The following RAB15 variants were observed in gnomAD, a reference collection of about 807,000 sequenced individuals.
RAB15 encodes the protein ras-related protein Rab-15.
Under a neutral mutation model 31.8 loss-of-function variants are expected in RAB15, and 13 were observed. That is an observed-to-expected ratio of 0.41 (90% CI 0.27 to 0.65). RAB15 has a LOEUF of 0.65. Ranked by LOEUF, RAB15 falls within the 30% of genes least tolerant of loss-of-function variation. The pLI, the probability that RAB15 is intolerant of heterozygous loss-of-function variation, is 0.32. For missense variants in RAB15, 220 were observed against 277.3 expected (o/e 0.79, Z 1.47); for synonymous variants, 100 against 105.6 (o/e 0.95, Z 0.33).
chr14:64,971,981 C>T lies in RAB15; in HGVS notation c.96G>A (p.Glu32=). ...TCLLCRFTDN[E]FHSSHISTIG... ...TGGTGGAGATGTGCGAGGAGTGGAA[C>T]TCGTTGTCGGTGAAGCGGCACAGCA... Residue 32 remains glutamate (E), a synonymous_variant, in exon 1 of 7, where the codon GAG becomes GAA. Transcript: ENST00000533601. The surrounding 1 kb of genome is among the most constrained non-coding windows in gnomAD (Gnocchi z 4.1). 6.3e-7 allele frequency: 1 copy of T among 1,598,632 alleles called. No individual in the cohort carries two copies. Among genetic ancestry groups the T allele is most frequent in the Non-Finnish European group, 8.5e-7 (1 of 1,172,938 alleles).
chr14:64,958,703 G>A lies in RAB15; in HGVS notation c.125-6132C>T, dbSNP rs1886703410. Among the ~76,000 whole-genome samples the A allele has an allele frequency of 6.6e-6, 1 of 152,068 alleles. No individual in the cohort carries two copies. Among genetic ancestry groups the A allele is most frequent in the Non-Finnish European group, 1.5e-5 (1 of 68,022 alleles). On this transcript the variant is annotated intron_variant, in intron 1 of 6. Transcript: ENST00000533601. This position sits in a 1 kb window ranked among gnomAD's most constrained non-coding sequence, Gnocchi z 4.4. ...AAGAAATAGGGCACAGAAGTGTTAA[G>A]AAACAAGCAAACCACTTCTACACAG...
chr14:64,952,501 C>T lies in RAB15; in HGVS notation c.185+10G>A. On this transcript the variant is annotated intron_variant, in intron 2 of 6. Transcript: ENST00000533601. This position sits in a 1 kb window ranked among gnomAD's most constrained non-coding sequence, Gnocchi z 4.2. ...CTCCTACATCTGCCTCCTCCTCCTC[C>T]CCAGCTCACCAGATCTGTATCCGCA... The T allele has an allele frequency of 1.2e-6, 2 of 1,608,620 alleles. No individual in the cohort carries two copies. Among genetic ancestry groups the T allele is most frequent in the Non-Finnish European group, 1.7e-6 (2 of 1,175,448 alleles).
rs892497509 is a variant in RAB15, at chr14:64,968,872, G to T, written c.124+3081C>A. Among the ~76,000 whole-genome samples, 1 of 152,224 alleles carries T rather than the reference G, an allele frequency of 6.6e-6. No homozygotes were observed. The highest frequency in any genetic ancestry group is 6.5e-5 in the Admixed American group (1 of 15,292). ...GGCAGGGCCACCTGCTGGTCTGCTG[G>T]CCAGAAAGACGAAAAGGATAGGGGG... On this transcript the variant is annotated intron_variant, in intron 1 of 6. Coordinates refer to ENST00000533601, the MANE Select transcript of RAB15 (RefSeq NM_001308154.2). The surrounding 1 kb of genome is among the most constrained non-coding windows in gnomAD (Gnocchi z 4.9).
In RAB15 at chr14:64,951,667, C is replaced by A; in HGVS notation, c.186-4G>T. ...TCTCTCCTGCCCTGCAGTGTCCCTGCAGGAGAAAGCCAGTCCCTCAGAGGA... is the reference window on the plus strand; with the variant it reads ...TCTCTCCTGCCCTGCAGTGTCCCTGAAGGAGAAAGCCAGTCCCTCAGAGGA... On this transcript the variant is annotated splice_region_variant and splice_polypyrimidine_tract_variant and intron_variant, in intron 2 of 6. Transcript: ENST00000533601. The surrounding 1 kb of genome is among the most constrained non-coding windows in gnomAD (Gnocchi z 7.2). The A allele has an allele frequency of 2.5e-6, 4 of 1,613,908 alleles. No individual in the cohort carries two copies. The highest frequency in any genetic ancestry group is 3.4e-6 in the Non-Finnish European group (4 of 1,179,764).
rs1885901432 is a variant in RAB15, at chr14:64,946,032, T to G, written c.*2322A>C. ...AGTAAACAGGCCAGCAGAGCCTGGT[T>G]AACAGTCTGGGCCTCAAGACATGCC... is the stretch of plus-strand genomic sequence containing the variant. On this transcript the variant is annotated 3_prime_UTR_variant, in exon 7 of 7. Transcript: ENST00000533601. The G allele has an allele frequency of 6.6e-6, 1 of 152,508 alleles. No individual in the cohort carries two copies. Among genetic ancestry groups the G allele is most frequent in the Non-Finnish European group, 1.5e-5 (1 of 68,034 alleles). The allele number at this position is 152,508 out of a possible 1,614,324, so 9.4% of individuals were successfully genotyped here.
rs1885989023 is a variant in RAB15 at position 64,947,653 on chromosome 14, C to T, written c.*701G>A. ...GGGCAGCCCCAGGCTCGAGGACTCC[C>T]TGGTTGCCGTTTCCCTCCTACCTCG... On this transcript the variant is annotated 3_prime_UTR_variant, in exon 7 of 7. Coordinates refer to ENST00000533601, the MANE Select transcript of RAB15 (RefSeq NM_001308154.2). The surrounding 1 kb of genome is among the most constrained non-coding windows in gnomAD (Gnocchi z 5.6). The T allele has an allele frequency of 6.5e-6, 1 of 152,744 alleles. No individual in the cohort carries two copies. The highest frequency in any genetic ancestry group is 2.4e-5 in the African/African-American group (1 of 41,450). The allele number at this position is 152,744 out of a possible 1,614,324, so 9.5% of individuals were successfully genotyped here.
At position 64,968,691 on chromosome 14, in the gene RAB15, G is replaced by A. The variant is rs951067252; in HGVS notation, c.124+3262C>T. Among the ~76,000 whole-genome samples, 3 of 152,152 alleles carry A rather than the reference G, an allele frequency of 2.0e-5. No homozygotes were observed. The highest frequency in any genetic ancestry group is 7.2e-5 in the African/African-American group (3 of 41,438). Reference sequence around the variant, plus strand: ...TTATGGGCTTCTGTGGGCAGAAAACGTAGACTGCAATATGTCTCTAAAATG... The same window carrying A: ...TTATGGGCTTCTGTGGGCAGAAAACATAGACTGCAATATGTCTCTAAAATG... On this transcript the variant is annotated intron_variant, in intron 1 of 6. Transcript: ENST00000533601. This position sits in a 1 kb window ranked among gnomAD's most constrained non-coding sequence, Gnocchi z 4.9.
chr14:64,970,491 G>A lies in RAB15; in HGVS notation c.124+1462C>T, dbSNP rs915275879. Among the ~76,000 whole-genome samples the A allele has an allele frequency of 7.2e-5, 11 of 152,208 alleles. No individual in the cohort carries two copies. ...GCCTTACAGCTCCTCTGAGAAAGAC[G>A]GACAAGTTCTGTTCCCTGACCCTAA... On this transcript the variant is annotated intron_variant, in intron 1 of 6. Transcript: ENST00000533601. This position sits in a 1 kb window ranked among gnomAD's most constrained non-coding sequence, Gnocchi z 4.1.
In RAB15 at chr14:64,946,281, T is replaced by C. The variant is rs567441312; in HGVS notation, c.*2073A>G. The C allele has an allele frequency of 6.6e-6, 1 of 152,354 alleles. No homozygotes were observed. The highest frequency in any genetic ancestry group is 1.9e-4 in the East Asian group (1 of 5,186). 9.4% of individuals were successfully genotyped at this position (152,354 alleles called of 1,614,324 possible). A position where few individuals can be genotyped will look rare whatever the true frequency, so the allele number is the denominator to read the frequency against. ...GAAAGACAATGAATGGCACCCTGCCTGATCTTCAGGGAAAGCTGAAATACT... is the reference window on the plus strand; with the variant it reads ...GAAAGACAATGAATGGCACCCTGCCCGATCTTCAGGGAAAGCTGAAATACT... On this transcript the variant is annotated 3_prime_UTR_variant, in exon 7 of 7. Transcript: ENST00000533601.
At chr14:64,956,696 C>G (rs1886593803) in intron 1 of RAB15, among the ~76,000 whole-genome samples, 2 of 152,114 alleles carry the variant, frequency 1.3e-5, no homozygotes, top group Non-Finnish European at 1.5e-5. Context: ...TGACTTAAAA[C>G]AAAGACAAAA....
In RAB15 at chr14:64,951,527, C is replaced by G. The variant is rs1256104373; in HGVS notation, c.246+76G>C. ...AACTGTATTTAGGGGATCCGTGGCA[C>G]AGACATCTCAAATACCCAGAGCTGG... On this transcript the variant is annotated intron_variant, in intron 3 of 6. Transcript: ENST00000533601. This position sits in a 1 kb window ranked among gnomAD's most constrained non-coding sequence, Gnocchi z 7.2. The G allele has an allele frequency of 3.7e-6, 5 of 1,335,694 alleles. No individual in the cohort carries two copies. The highest frequency in any genetic ancestry group is 1.2e-5 in the South Asian group (1 of 85,652). The allele number at this position is 1,335,694 out of a possible 1,614,324, so 82.7% of individuals were successfully genotyped here. A position where few individuals can be genotyped will look rare whatever the true frequency, so the allele number is the denominator to read the frequency against.
At chr14:64,959,518 A>G (rs1228466947) in intron 1 of RAB15, among the ~76,000 whole-genome samples, 1 of 152,206 alleles carries the variant, frequency 6.6e-6, no homozygotes, top group Non-Finnish European at 1.5e-5. Flanking sequence ...TCTCTGCCAC[A>G]TAGTGCCAGC....
Position 64,950,468 on chromosome 14 carries a change from T to C in RAB15, c.325-54A>G. ...AGTGAGTGCTGCCTGCCCCCCCAAT[T>C]TTCCCTACAGAGTCTGCACTGCCTC... On this transcript the variant is annotated intron_variant, in intron 4 of 6. Coordinates refer to ENST00000533601, the MANE Select transcript of RAB15 (RefSeq NM_001308154.2). The surrounding 1 kb of genome is among the most constrained non-coding windows in gnomAD (Gnocchi z 5.6). The C allele has an allele frequency of 1.4e-6, 2 of 1,452,094 alleles. No individual in the cohort carries two copies. Among genetic ancestry groups the C allele is most frequent in the South Asian group, 2.3e-5 (2 of 87,816 alleles). The allele number at this position is 1,452,094 out of a possible 1,614,324, so 90.0% of individuals were successfully genotyped here. A position where few individuals can be genotyped will look rare whatever the true frequency, so the allele number is the denominator to read the frequency against.
At chr14:64,965,999 A>G (rs1887116300) in intron 1 of RAB15, among the ~76,000 whole-genome samples, 1 of 152,188 alleles carries the variant, frequency 6.6e-6, no homozygotes, top group Non-Finnish European at 1.5e-5. Context: ...GACACCTAGC[A>G]GGGGCCCAAG....
At position 64,954,385 on chromosome 14, in the gene RAB15, T is replaced by C; in HGVS notation, c.125-1814A>G. 1.0e-6 allele frequency: 1 copy of C among 985,452 alleles called. No individual in the cohort carries two copies. The highest frequency in any genetic ancestry group is 1.2e-6 in the Non-Finnish European group (1 of 829,914). The allele number at this position is 985,452 out of a possible 1,614,324, so 61.0% of individuals were successfully genotyped here. ...AGGGAATCAAGACATTCTTGTTTCA[T>C]GATACAGCACCTTCTTCCAAGAAGA... On this transcript the variant is annotated intron_variant, in intron 1 of 6. Coordinates refer to ENST00000533601, the MANE Select transcript of RAB15 (RefSeq NM_001308154.2). The surrounding 1 kb of genome is among the most constrained non-coding windows in gnomAD (Gnocchi z 4.3).
In RAB15 at chr14:64,971,039, G is replaced by A. The variant is rs1887388511; in HGVS notation, c.124+914C>T. ...TGTTTCCAGGGGCCTGGGCAATGCA[G>A]AGGCTACTCCAGGGCTGACCCGGGT... On this transcript the variant is annotated intron_variant, in intron 1 of 6. Transcript: ENST00000533601. This position sits in a 1 kb window ranked among gnomAD's most constrained non-coding sequence, Gnocchi z 4.1. 6.6e-6 allele frequency among the ~76,000 whole-genome samples: 1 copy of A among 152,204 alleles called. No individual in the cohort carries two copies. Among genetic ancestry groups the A allele is most frequent in the African/African-American group, 2.4e-5 (1 of 41,464 alleles).
At chr14:64,949,163 G>C (rs182341628) in intron 5 of RAB15, among the ~76,000 whole-genome samples, 2 of 152,330 alleles carry the variant, frequency 1.3e-5, no homozygotes, top group Non-Finnish European at 2.9e-5. Flanking sequence ...AGGAGACTGA[G>C]TGTGTCTCCC....
chr14:64,950,778 C>T lies in RAB15; in HGVS notation c.324+296G>A. ...CTATTGTGCAGAGCCAGGACTAGATCCCAATCTTGCAACTCCACCTGGTCC... is the reference window on the plus strand; with the variant it reads ...CTATTGTGCAGAGCCAGGACTAGATTCCAATCTTGCAACTCCACCTGGTCC... On this transcript the variant is annotated intron_variant, in intron 4 of 6. Coordinates refer to ENST00000533601, the MANE Select transcript of RAB15 (RefSeq NM_001308154.2). This position sits in a 1 kb window ranked among gnomAD's most constrained non-coding sequence, Gnocchi z 5.6. 2 of 615,770 alleles carry T rather than the reference C, an allele frequency of 3.2e-6. No individual in the cohort carries two copies. Among genetic ancestry groups the T allele is most frequent in the South Asian group, 2.0e-5 (1 of 51,176 alleles). The allele number at this position is 615,770 out of a possible 1,614,324, so 38.1% of individuals were successfully genotyped here. A position where few individuals can be genotyped will look rare whatever the true frequency, so the allele number is the denominator to read the frequency against.
chr14:64,955,428 G>T lies in RAB15; in HGVS notation c.125-2857C>A, dbSNP rs1217440909. On this transcript the variant is annotated intron_variant, in intron 1 of 6. Coordinates refer to ENST00000533601, the MANE Select transcript of RAB15 (RefSeq NM_001308154.2). The surrounding 1 kb of genome is among the most constrained non-coding windows in gnomAD (Gnocchi z 4.4). ...CTTCCCTCTCCCTGCGTGGCTGTTG[G>T]TTTTTTCCACTGCTGAGCACTGCAG... Among the ~76,000 whole-genome samples the T allele has an allele frequency of 2.0e-5, 3 of 152,162 alleles. No homozygotes were observed. The highest frequency in any genetic ancestry group is 4.4e-5 in the Non-Finnish European group (3 of 68,024).
Sources: gnomAD v4.1 joint callset for allele counts (sites outside exome capture counted in the v4.1 genomes callset) on GRCh38, gnomAD v4.1.1 for gene constraint, Gnocchi (gnomAD v3.1) non-coding constraint, MANE v1.5 for transcripts, NCBI Gene and HGNC (gene_info 2026-07-23, HGNC 2026-07-21) for gene names.